The following TRIM60 variants were observed in gnomAD, a reference collection of about 807,000 sequenced individuals.
The protein encoded by TRIM60 is tripartite motif containing 60, also known as tripartite motif-containing protein 60.
For synonymous variants in TRIM60, 189 were observed against 195.2 expected (o/e 0.97, Z 0.27); for missense variants, 524 against 540.8 (o/e 0.97, Z 0.31).
Position 165,041,319 on chromosome 4 carries a change from G to T in TRIM60, c.1247G>T (p.Gly416Val), listed in dbSNP as rs750716063. ...LLPVVKPSKIGIFLDYELGDL... is the reference protein window; with the variant it reads ...LLPVVKPSKIVIFLDYELGDL... ...CCAGTAGTAAAACCCAGTAAAATTG[G>T]TATTTTTCTGGACTATGAATTGGGT... The change falls in exon 3 of 3, where the codon GGT becomes GTT. Residue 416 changes from glycine (G) to valine (V), a missense_variant. Coordinates refer to ENST00000512596, the MANE Select transcript of TRIM60 (RefSeq NM_152620.3). 1.9e-5 allele frequency: 31 copies of T among 1,614,108 alleles called. No homozygotes were observed. The highest frequency in any genetic ancestry group is 2.4e-5 in the Non-Finnish European group (28 of 1,180,018).
At chr4:165,039,919 G>A (rs1733712624) in intron 2 of TRIM60, 150 bp from the exon 3 acceptor site, 1 of 594,690 alleles carries the variant, frequency 1.7e-6, no homozygotes, top group Non-Finnish European at 3.0e-6. Flanking sequence ...CAAGACTTCA[G>A]TGGGTGCCAC....
intron 1 of TRIM60, among the ~76,000 whole-genome samples, chr4:165,035,959 G>A (rs1021755418): frequency 2.6e-5 from 4 of 152,112 alleles, no homozygotes; most frequent in Non-Finnish European, 5.9e-5. Context: ...CTGACCTCAG[G>A]TGATCTGCCC....
At chr4:165,032,283 C>G (rs928050576) in intron 1 of TRIM60, among the ~76,000 whole-genome samples, 171 bp downstream of exon 1, 3 of 152,230 alleles carry the variant, frequency 2.0e-5, no homozygotes, top group African/African-American at 4.8e-5. Flanking sequence ...GAGTCTCGCT[C>G]TGTCACCCAC....
At chr4:165,033,972 T>G (rs768863015) in intron 1 of TRIM60, among the ~76,000 whole-genome samples, 1 of 152,116 alleles carries the variant, frequency 6.6e-6, no homozygotes, top group Non-Finnish European at 1.5e-5. Flanking sequence ...ATAGTTACTA[T>G]AGTAGGCTAA....
At position 165,040,848 on chromosome 4, in the gene TRIM60, A is replaced by G. The variant is rs143398358; in HGVS notation, c.776A>G (p.Tyr259Cys). 96 of 1,613,858 alleles carry G rather than the reference A, an allele frequency of 5.9e-5. No individual in the cohort carries two copies. The African/African-American group carries it at 1.2e-3, about 21-fold the overall frequency. ...LTQAKSMHHKYQNLKCPELFS... is the reference protein window; with the variant it reads ...LTQAKSMHHKCQNLKCPELFS... ...CAAGCTAAGAGTATGCACCACAAGT[A>G]TCAAAACCTAAAATGCCCTGAACTC... is the stretch of plus-strand genomic sequence containing the variant. The change falls in exon 3 of 3, where the codon TAT (tyrosine) becomes TGT (cysteine). Residue 259 changes from tyrosine (Y) to cysteine (C), a missense_variant. Coordinates refer to ENST00000512596, the MANE Select transcript of TRIM60 (RefSeq NM_152620.3).
Position 165,041,559 on chromosome 4 carries a change from C to A in TRIM60, c.*71C>A. 3 of 1,173,548 alleles carry A rather than the reference C, an allele frequency of 2.6e-6. No individual in the cohort carries two copies. The highest frequency in any genetic ancestry group is 3.5e-6 in the Non-Finnish European group (3 of 859,302). 72.7% of individuals were successfully genotyped at this position (1,173,548 alleles called of 1,614,324 possible). On this transcript the variant is annotated 3_prime_UTR_variant, in exon 3 of 3. Transcript: ENST00000512596. The stretch of plus-strand genomic sequence containing the variant: ...CAGTAAATTTAATCTCATTTCTGGA[C>A]TCTTTAAGTTTTACCACTGAAAACC...
In TRIM60 at chr4:165,032,681, T is replaced by C. The variant is rs547799866; in HGVS notation, c.-57+569T>C. Among the ~76,000 whole-genome samples the C allele has an allele frequency of 2.0e-4, 30 of 152,244 alleles. No homozygotes were observed. In the South Asian group the frequency reaches 6.2e-3, roughly 32 times the overall value. On this transcript the variant is annotated intron_variant, in intron 1 of 2. Coordinates refer to ENST00000512596, the MANE Select transcript of TRIM60 (RefSeq NM_152620.3). ...ATGGTGGGAGCGTTAAGGAAGGACC[T>C]CCCACCCTACAGCGCCAGCACTTCT... is the stretch of plus-strand genomic sequence containing the variant.
At chr4:165,037,536 G>A (rs925657843) in intron 1 of TRIM60, among the ~76,000 whole-genome samples, 4 of 152,104 alleles carry the variant, frequency 2.6e-5, no homozygotes, top group Middle Eastern at 3.4e-3. Context: ...TGTTGGCCAG[G>A]ATGGTCTCCG....
At chr4:165,036,550 T>C (rs1186883469) in intron 1 of TRIM60, among the ~76,000 whole-genome samples, 1 of 152,130 alleles carries the variant, frequency 6.6e-6, no homozygotes, top group Non-Finnish European at 1.5e-5. Context: ...TTCAAGGCTA[T>C]GCACTAATGT....
chr4:165,040,122 C>T lies in TRIM60; in HGVS notation c.50C>T (p.Pro17Leu). ...AACCTCCAAGAGGAGTCTAGCTGTC[C>T]CATCTGTCTGGAGTACTTGAAAGAC... ...LVNLQEESSCPICLEYLKDPV... is the reference protein window; with the variant it reads ...LVNLQEESSCLICLEYLKDPV... Residue 17 changes from proline (P) to leucine (L), a missense_variant, in exon 3 of 3, where the codon CCC becomes CTC. Coordinates refer to ENST00000512596, the MANE Select transcript of TRIM60 (RefSeq NM_152620.3). The T allele has an allele frequency of 6.2e-7, 1 of 1,613,626 alleles. No homozygotes were observed. Among genetic ancestry groups the T allele is most frequent in the South Asian group, 1.1e-5 (1 of 91,032 alleles).
chr4:165,039,197 G>A lies in TRIM60; in HGVS notation c.-56-4G>A, dbSNP rs1733691287. On this transcript the variant is annotated splice_polypyrimidine_tract_variant and splice_region_variant and intron_variant, in intron 1 of 2. Transcript: ENST00000512596. ...AGATGGTAATGCTTTGCTCCCCATT[G>A]CAGGTCATCAGTTTGCCCCATCATT... 1 of 151,914 alleles carries A rather than the reference G, an allele frequency of 6.6e-6. No individual in the cohort carries two copies. The highest frequency in any genetic ancestry group is 6.6e-5 in the Admixed American group (1 of 15,246). 9.4% of individuals were successfully genotyped at this position (151,914 alleles called of 1,614,324 possible). A position where few individuals can be genotyped will look rare whatever the true frequency, so the allele number is the denominator to read the frequency against.
intron 1 of TRIM60, among the ~76,000 whole-genome samples, chr4:165,038,481 C>T (rs1733673147): frequency 6.6e-6 from 1 of 151,414 alleles, no homozygotes; most frequent in Non-Finnish European, 1.5e-5. Flanking sequence ...TCAAAACCAC[C>T]CTGGCCAACA....
chr4:165,038,039 T>C (rs1234692053), intron 1 of TRIM60, among the ~76,000 whole-genome samples: 1 of 151,880 alleles, frequency 6.6e-6, no homozygotes, highest in Non-Finnish European at 1.5e-5. Context: ...TCTATGAAAG[T>C]AAAGAGATGG....
chr4:165,035,353 C>T (rs1405379066), intron 1 of TRIM60, among the ~76,000 whole-genome samples: 1 of 152,098 alleles, frequency 6.6e-6, no homozygotes, highest in Non-Finnish European at 1.5e-5. Flanking sequence ...TGCGAACCAC[C>T]GTGCCTGGCC....
At position 165,040,350 on chromosome 4, in the gene TRIM60, A is replaced by G; in HGVS notation, c.278A>G (p.Glu93Gly). The part of the protein sequence containing the change: ...IRRSKRKRQK[E>G]NAMCEKHNQF... Reference sequence around the variant, plus strand: ...AGGAGCAAGAGAAAGAGGCAGAAAGAGAATGCCATGTGTGAAAAACACAAC... The same window carrying G: ...AGGAGCAAGAGAAAGAGGCAGAAAGGGAATGCCATGTGTGAAAAACACAAC... Residue 93 changes from glutamate (E) to glycine (G), a missense_variant, in exon 3 of 3, where the codon GAG becomes GGG. Transcript: ENST00000512596. 6.2e-7 allele frequency: 1 copy of G among 1,614,238 alleles called. No homozygotes were observed. The highest frequency in any genetic ancestry group is 1.1e-5 in the South Asian group (1 of 91,088).
Position 165,040,900 on chromosome 4 carries a change from T to G in TRIM60, c.828T>G (p.Gly276=). 6.2e-7 allele frequency: 1 copy of G among 1,612,804 alleles called. No homozygotes were observed. Among genetic ancestry groups the G allele is most frequent in the Non-Finnish European group, 8.5e-7 (1 of 1,179,202 alleles). ...TTTCATTTAGATTAACAAAATATGG[T>G]TTCAGTCTTCCTCCTCAATATTCTG... ...ELFSFRLTKY[G]FSLPPQYSGL... Residue 276 remains glycine (G), a synonymous_variant, in exon 3 of 3, where the codon GGT becomes GGG. Coordinates refer to ENST00000512596, the MANE Select transcript of TRIM60 (RefSeq NM_152620.3).
chr4:165,038,322 CT>C (rs1319618603), intron 1 of TRIM60, among the ~76,000 whole-genome samples: 1 of 152,054 alleles, frequency 6.6e-6, no homozygotes, highest in African/African-American at 2.4e-5. Context: ...ATACTATCTA[CT>C]TTATTGCAAC....
In TRIM60 at chr4:165,041,235, T is replaced by C. The variant is rs375311232; in HGVS notation, c.1163T>C (p.Ile388Thr). 61 of 1,614,028 alleles carry C rather than the reference T, an allele frequency of 3.8e-5. No individual in the cohort carries two copies. Among genetic ancestry groups the C allele is most frequent in the Non-Finnish European group, 5.1e-5 (60 of 1,180,014 alleles). Residue 388 changes from isoleucine to threonine, a missense_variant, in exon 3 of 3, where the codon ATT becomes ACT. Transcript: ENST00000512596. ...QPSVLGGFWA[I>T]GRYMKSGYVA... ...TCAGTTCTGGGCGGATTCTGGGCAA[T>C]TGGGCGATACATGAAGAGTGGTTAT...
chr4:165,041,501 TGGGTCTGTTTCA>T lies in TRIM60; in HGVS notation c.*15_*26del, dbSNP rs1399833676. On this transcript the variant is annotated 3_prime_UTR_variant, in exon 3 of 3. Coordinates refer to ENST00000512596, the MANE Select transcript of TRIM60 (RefSeq NM_152620.3). Reference sequence around the variant, plus strand: ...TTCTGAAAGATAAGGAACTGGTAAATGGGTCTGTTTCAGTTTTTGTAGGTAACTTAGCCAGTA... The same window carrying T: ...TTCTGAAAGATAAGGAACTGGTAAATGTTTTTGTAGGTAACTTAGCCAGTA... The T allele has an allele frequency of 1.3e-6, 2 of 1,497,606 alleles. No individual in the cohort carries two copies. Among genetic ancestry groups the T allele is most frequent in the African/African-American group, 2.8e-5 (2 of 71,326 alleles). 92.8% of individuals were successfully genotyped at this position (1,497,606 alleles called of 1,614,324 possible).
Sources: allele counts gnomAD v4.1 joint callset (sites outside exome capture counted in the v4.1 genomes callset), GRCh38; gene constraint gnomAD v4.1.1; transcripts MANE v1.5; gene names NCBI Gene and HGNC (gene_info 2026-07-23, HGNC 2026-07-21).